The following ZFAND4 variants were observed in gnomAD, a reference collection of about 807,000 sequenced individuals.
ZFAND4 encodes the protein AN1-type zinc finger protein 4.
ZFAND4 carries 43 observed loss-of-function variants against 64.4 expected under a neutral mutation model. That is an observed-to-expected ratio of 0.67 (90% CI 0.52 to 0.86). The LOEUF (loss-of-function observed/expected upper bound fraction) is 0.86, where lower values mean the gene tolerates loss of function less well. Ranked by LOEUF, ZFAND4 falls within the 40% of genes least tolerant of loss-of-function variation. The pLI, the probability that ZFAND4 is intolerant of heterozygous loss-of-function variation, is 0.00. For missense variants in ZFAND4, 929 were observed against 859.8 expected (o/e 1.08, Z -1.01); for synonymous variants, 296 against 305.7 (o/e 0.97, Z 0.33).
chr10:45,655,418 GACATCACAGTTTGATGTGTA>G (rs1204992552), intron 2 of ZFAND4, among the ~76,000 whole-genome samples: 1 of 152,150 alleles, frequency 6.6e-6, no homozygotes, highest in Non-Finnish European at 1.5e-5. Context: ...GTCACAAACT[GACATCACAGTTTGATGTGTA>G]ACATCACACC....
intron 6 of ZFAND4, among the ~76,000 whole-genome samples, chr10:45,634,538 A>AG (rs1589298368): frequency 6.6e-6 from 1 of 152,118 alleles, no homozygotes; most frequent in East Asian, 1.9e-4. Context: ...AAAAAAAAAA[A>AG]AAAGAATTAA....
At position 45,616,499 on chromosome 10, in the gene ZFAND4, T is replaced by C; in HGVS notation, c.2121A>G (p.Ala707=). ...TTGCCTCGTGCAAGTATCTCCTCCC[T>C]GCACTCTTGTAATCATAGGTACAGC... The part of the protein sequence containing the change: ...THGCTYDYKS[A]GRRYLHEANP... The change falls in exon 10 of 10, where the codon GCA becomes GCG. Residue 707 remains alanine, a synonymous_variant. Transcript: ENST00000344646. The C allele has an allele frequency of 1.2e-6, 2 of 1,614,234 alleles. No individual in the cohort carries two copies. Among genetic ancestry groups the C allele is most frequent in the East Asian group, 2.2e-5 (1 of 44,882 alleles).
Position 45,626,959 on chromosome 10 carries a change from C to T in ZFAND4, c.864G>A (p.Pro288=), listed in dbSNP as rs1564563778. Residue 288 remains proline, a synonymous_variant, in exon 7 of 10, where the codon CCG becomes CCA. Coordinates refer to ENST00000344646, the MANE Select transcript of ZFAND4 (RefSeq NM_174890.4). ...SCSPAFGNAY[P]PEISRNGISS... is the part of the protein sequence containing the mutation. Reference sequence around the variant, plus strand: ...AAATTCCATTCCTGGAGATTTCGGGCGGATATGCATTCCCAAAAGCAGGTG... The same window carrying T: ...AAATTCCATTCCTGGAGATTTCGGGTGGATATGCATTCCCAAAAGCAGGTG... 15 of 1,614,052 alleles carry T rather than the reference C, an allele frequency of 9.3e-6. No individual in the cohort carries two copies. Among genetic ancestry groups the T allele is most frequent in the South Asian group, 4.4e-5 (4 of 91,068 alleles).
intron 6 of ZFAND4, among the ~76,000 whole-genome samples, chr10:45,631,507 A>G (rs981698307): frequency 1.3e-5 from 2 of 152,114 alleles, no homozygotes; most frequent in Non-Finnish European, 2.9e-5. Flanking sequence ...TAAAACCACT[A>G]CATTTAAAAG....
At chr10:45,630,961 TAAAAAAAAAA>T (rs1378126279) in intron 6 of ZFAND4, among the ~76,000 whole-genome samples, 1 of 123,630 alleles carries the variant, frequency 8.1e-6, no homozygotes, top group South Asian at 2.6e-4. Flanking sequence ...ACCCTGTCTT[TAAAAAAAAAA>T]AAAAAGAAAG....
intron 9 of ZFAND4, among the ~76,000 whole-genome samples, 193 bp from the exon 10 acceptor site, chr10:45,616,764 G>A (rs900806396): frequency 1.3e-5 from 2 of 152,038 alleles, no homozygotes; most frequent in Admixed American, 6.6e-5. Context: ...AATTATCTAC[G>A]AATATGACAA....
At chr10:45,641,795 G>A (rs559769575) in intron 5 of ZFAND4, among the ~76,000 whole-genome samples, 88 of 152,320 alleles carry the variant, frequency 5.8e-4, no homozygotes, top group Non-Finnish European at 1.1e-3. Flanking sequence ...ACATAAGGTA[G>A]ATATTATAGC....
intron 1 of ZFAND4, among the ~76,000 whole-genome samples, chr10:45,669,573 A>G (rs1283402646): frequency 1.3e-5 from 2 of 152,210 alleles, no homozygotes; most frequent in Admixed American, 6.5e-5. Flanking sequence ...CAGACACACA[A>G]CAAAAAAAGA....
At chr10:45,624,734 G>T in intron 7 of ZFAND4, 97 bp from the exon 8 acceptor site, 1 of 997,692 alleles carries the variant, frequency 1.0e-6, no homozygotes, top group Non-Finnish European at 1.5e-6. Flanking sequence ...CTAAGATGCT[G>T]TTGGACTTTC....
chr10:45,641,991 G>A (rs897538043), intron 5 of ZFAND4, among the ~76,000 whole-genome samples: 2 of 152,122 alleles, frequency 1.3e-5, no homozygotes, highest in Non-Finnish European at 2.9e-5. Context: ...TCATGCTTGT[G>A]CACCCAGATG....
chr10:45,670,840 A>C lies in ZFAND4; in HGVS notation c.-118+1410T>G, dbSNP rs181345824. Among the ~76,000 whole-genome samples the C allele has an allele frequency of 3.6e-3, 543 of 152,316 alleles. 4 individuals are homozygous for C. Among genetic ancestry groups the C allele is most frequent in the African/African-American group, 0.012 (517 of 41,564 alleles). The stretch of plus-strand genomic sequence containing the variant: ...AAGCCAAAATAGACAAATGGGATCT[A>C]ATTAAACTAAAGAGCTTCTGCACAG... On this transcript the variant is annotated intron_variant, in intron 1 of 9. Coordinates refer to ENST00000344646, the MANE Select transcript of ZFAND4 (RefSeq NM_174890.4).
chr10:45,635,216 A>AAAAAAAAAAAAAC (rs2046501188), intron 6 of ZFAND4, among the ~76,000 whole-genome samples: 2 of 139,406 alleles, frequency 1.4e-5, no homozygotes, highest in African/African-American at 5.9e-5. Flanking sequence ...AAAAAAAACA[A>AAAAAAAAAAAAAC]AAAAAAAACA....
intron 5 of ZFAND4, chr10:45,640,416 TTC>T: frequency 8.2e-7 from 1 of 1,220,670 alleles, no homozygotes; most frequent in Admixed American, 3.3e-5. Context: ...CCTGAGGAGA[TTC>T]TCACTAAAAA....
At position 45,626,849 on chromosome 10, in the gene ZFAND4, T is replaced by C. The variant is rs1338496695; in HGVS notation, c.974A>G (p.Asn325Ser). 1 of 1,614,218 alleles carries C rather than the reference T, an allele frequency of 6.2e-7. No individual in the cohort carries two copies. Among genetic ancestry groups the C allele is most frequent in the Non-Finnish European group, 8.5e-7 (1 of 1,180,046 alleles). ...GCTACTGAAGTGAGACAGTGTGTTA[T>C]TCTCCCAGCTATTATCTTCCTTAAG... is the stretch of plus-strand genomic sequence containing the variant. ...EFLKEDNSWE[N>S]NTLSHFSSNV... The change falls in exon 7 of 10, where the codon AAT becomes AGT. Residue 325 changes from asparagine (N) to serine (S), a missense_variant. Asn to Ser is a conservative substitution (Grantham distance 46, BLOSUM62 1). Transcript: ENST00000344646.
At chr10:45,639,269 CAATA>C (rs1431062067) in intron 6 of ZFAND4, among the ~76,000 whole-genome samples, 1 of 151,896 alleles carries the variant, frequency 6.6e-6, no homozygotes, top group Non-Finnish European at 1.5e-5. Context: ...TCCAAATGCC[CAATA>C]AACATATGAA....
intron 3 of ZFAND4, among the ~76,000 whole-genome samples, chr10:45,652,327 A>T (rs1488822376): frequency 1.3e-5 from 2 of 152,236 alleles, no homozygotes; most frequent in African/African-American, 4.8e-5. Context: ...AGGCCCAGAG[A>T]ACAAAAGTGG....
intron 1 of ZFAND4, among the ~76,000 whole-genome samples, chr10:45,671,997 C>CAGCACCATTTATTA (rs1403110904): frequency 7.2e-5 from 11 of 152,164 alleles, no homozygotes; most frequent in Non-Finnish European, 1.0e-4. Flanking sequence ...AGCTTAGCTA[C>CAGCACCATTTATTA]AGAAGAGCAG....
chr10:45,616,233 T>C lies in ZFAND4; in HGVS notation c.*203A>G. 1 of 643,188 alleles carries C rather than the reference T, an allele frequency of 1.6e-6. No individual in the cohort carries two copies. Among genetic ancestry groups the C allele is most frequent in the Non-Finnish European group, 2.5e-6 (1 of 407,316 alleles). 39.8% of individuals were successfully genotyped at this position (643,188 alleles called of 1,614,324 possible). ...GCTAAATCATTCCAGTGTAAAGTTG[T>C]TAAAACTACTTTTAAAACTTTTGTT... On this transcript the variant is annotated 3_prime_UTR_variant, in exon 10 of 10. Coordinates refer to ENST00000344646, the MANE Select transcript of ZFAND4 (RefSeq NM_174890.4).
At chr10:45,670,115 T>G (rs2049080849) in intron 1 of ZFAND4, among the ~76,000 whole-genome samples, 1 of 152,164 alleles carries the variant, frequency 6.6e-6, no homozygotes, top group Admixed American at 6.5e-5. Flanking sequence ...ATGACATGAT[T>G]ATACATTTAG....
Sources: allele counts gnomAD v4.1 joint callset (sites outside exome capture counted in the v4.1 genomes callset), GRCh38; gene constraint gnomAD v4.1.1; transcripts MANE v1.5; gene names NCBI Gene and HGNC (gene_info 2026-07-23, HGNC 2026-07-21).